The following VIT variants were observed in gnomAD, a reference collection of about 807,000 sequenced individuals.
VIT encodes the protein vitrin.
In VIT, 99 loss-of-function variants were observed where a neutral mutation model predicts 78.0. The observed-to-expected ratio is 1.27, with a 90% confidence interval of 1.08 to 1.50. VIT has a LOEUF of 1.50. Among genes scored for constraint, VIT ranks in the 40% most tolerant of loss-of-function variants. The probability of loss-of-function intolerance (pLI) is 0.00; values close to 1 mark genes in which losing one functional copy is unlikely to be tolerated. For synonymous variants in VIT, 374 were observed against 334.3 expected (o/e 1.12, Z -1.29); for missense variants, 1,126 against 875.3 (o/e 1.29, Z -3.61).
chr2:36,775,104 G>C (rs371639811), intron 9 of VIT, 37 bp downstream of exon 9: 15 of 1,610,700 alleles, frequency 9.3e-6, no homozygotes, highest in African/African-American at 2.7e-5. Context: ...TGCTCCCTAG[G>C]AATTTGCTCT....
rs1490426046 is a variant in VIT, at chr2:36,717,155, G to A, written c.52+733G>A. 3.1e-4 allele frequency among the ~76,000 whole-genome samples: 45 copies of A among 143,212 alleles called. No homozygotes were observed. In the Middle Eastern group the frequency reaches 0.013, roughly 42 times the overall value. The allele number at this position is 143,212 out of a possible 152,430, so 94.0% of individuals were successfully genotyped here. On this transcript the variant is annotated intron_variant, in intron 2 of 15. Coordinates refer to ENST00000379242, the MANE Select transcript of VIT (RefSeq NM_053276.4). ...CTCCCAAAGTGCTGGGATTACAGGC[G>A]TGAGCCACCACGCCCGGCCAGAGAT...
In VIT at chr2:36,773,941, G is replaced by C. The variant is rs1055004265; in HGVS notation, c.736+94G>C. 34 of 1,325,774 alleles carry C rather than the reference G, an allele frequency of 2.6e-5. 1 individual carries two copies. In the South Asian group the frequency reaches 4.7e-4, roughly 18 times the overall value. 82.1% of individuals were successfully genotyped at this position (1,325,774 alleles called of 1,614,324 possible). ...CATCTTTGCCATTTAATTTAGATTT[G>C]GACAAGGACTATTAAACCACTTAGG... On this transcript the variant is annotated intron_variant, in intron 8 of 15. Transcript: ENST00000379242.
chr2:36,745,799 T>C (rs1379699766), intron 4 of VIT, among the ~76,000 whole-genome samples: 1 of 152,164 alleles, frequency 6.6e-6, no homozygotes, highest in Non-Finnish European at 1.5e-5. Context: ...CTTTAATGTA[T>C]TTCTCTTGCC....
At chr2:36,802,964 G>C (rs906479896) in intron 13 of VIT, among the ~76,000 whole-genome samples, 2 of 152,208 alleles carry the variant, frequency 1.3e-5, no homozygotes, top group African/African-American at 4.8e-5. Context: ...ACCTCCAAGG[G>C]AGCTGCTCCT....
intron 1 of VIT, among the ~76,000 whole-genome samples, chr2:36,698,803 G>C (rs1327775860): frequency 1.3e-5 from 2 of 152,002 alleles, no homozygotes; most frequent in Non-Finnish European, 2.9e-5. Context: ...AATTAGCCAG[G>C]CATGATGGCG....
At chr2:36,761,655 A>G (rs11124541) in intron 6 of VIT, among the ~76,000 whole-genome samples, 146,769 of 152,090 alleles carry the variant, frequency 0.97, 71,037 homozygotes, top group East Asian at 1. Flanking sequence ...CAGGAGAATC[A>G]CTTGAACCCG....
At chr2:36,786,588 A>G (rs1304314039) in intron 11 of VIT, among the ~76,000 whole-genome samples, 1 of 152,246 alleles carries the variant, frequency 6.6e-6, no homozygotes, top group East Asian at 1.9e-4. Flanking sequence ...CTATACATAT[A>G]TGTAGATAAT....
chr2:36,791,030 A>G (rs1317616751), intron 12 of VIT, among the ~76,000 whole-genome samples: 1 of 152,210 alleles, frequency 6.6e-6, no homozygotes, highest in African/African-American at 2.4e-5. Flanking sequence ...CTTTCATTTC[A>G]GGCCCCCATC....
At chr2:36,714,047 G>A (rs975327044) in intron 1 of VIT, among the ~76,000 whole-genome samples, 1 of 152,200 alleles carries the variant, frequency 6.6e-6, no homozygotes, top group Non-Finnish European at 1.5e-5. Flanking sequence ...TGAAGCTAAA[G>A]ACGTAACCAG....
chr2:36,783,478 C>A, intron 11 of VIT, 76 bp downstream of exon 11: 1 of 1,410,216 alleles, frequency 7.1e-7, no homozygotes, highest in Non-Finnish European at 9.9e-7. Flanking sequence ...CCACTCACTC[C>A]CACTCAAACC....
intron 6 of VIT, among the ~76,000 whole-genome samples, chr2:36,760,957 C>T (rs186801509): frequency 6.6e-6 from 1 of 152,152 alleles, no homozygotes; most frequent in African/African-American, 2.4e-5. Flanking sequence ...AGCTGCACCC[C>T]TCCCCCTCTC....
intron 1 of VIT, among the ~76,000 whole-genome samples, chr2:36,713,761 G>A (rs113593614): frequency 2.1e-3 from 313 of 152,336 alleles, no homozygotes; most frequent in African/African-American, 7.2e-3. Context: ...AAGAGAAAGA[G>A]AAGTCAAGGA....
At chr2:36,742,276 C>T (rs981246934) in intron 3 of VIT, among the ~76,000 whole-genome samples, 1 of 152,156 alleles carries the variant, frequency 6.6e-6, no homozygotes, top group Non-Finnish European at 1.5e-5. Context: ...CCCCAGGCAA[C>T]CTTTCAGCTT....
chr2:36,787,547 A>G (rs6759999), intron 12 of VIT, among the ~76,000 whole-genome samples: 3,808 of 152,332 alleles, frequency 0.025, 142 homozygotes, highest in African/African-American at 0.086. Context: ...GGAAAACAGG[A>G]GAGATGCGTG....
chr2:36,772,888 G>A (rs1173320796), intron 7 of VIT, among the ~76,000 whole-genome samples: 1 of 152,032 alleles, frequency 6.6e-6, no homozygotes, highest in Non-Finnish European at 1.5e-5. Context: ...CCGTCAGCTG[G>A]GTTTTACGTG....
At chr2:36,800,300 G>C (rs1422868144) in intron 12 of VIT, among the ~76,000 whole-genome samples, 1 of 152,120 alleles carries the variant, frequency 6.6e-6, no homozygotes, top group Non-Finnish European at 1.5e-5. Flanking sequence ...AGCTGAGATC[G>C]CGCCACTGCA....
At chr2:36,704,887 T>G (rs1006061848) in intron 1 of VIT, among the ~76,000 whole-genome samples, 7 of 152,146 alleles carry the variant, frequency 4.6e-5, no homozygotes, top group African/African-American at 1.7e-4. Context: ...TTGCCGGACC[T>G]GAGAATGTTT....
At chr2:36,765,694 G>T (rs1040387781) in intron 6 of VIT, among the ~76,000 whole-genome samples, 1 of 152,198 alleles carries the variant, frequency 6.6e-6, no homozygotes, top group African/African-American at 2.4e-5. Context: ...AACTAAAGTG[G>T]CATGGCCACA....
intron 3 of VIT, among the ~76,000 whole-genome samples, chr2:36,737,142 A>T (rs1667554868): frequency 1.3e-5 from 2 of 152,206 alleles, no homozygotes; most frequent in Admixed American, 1.3e-4. Context: ...ATGAAAGAAC[A>T]TTCAAGATAA....
Sources: allele counts gnomAD v4.1 joint callset (sites outside exome capture counted in the v4.1 genomes callset), GRCh38; gene constraint gnomAD v4.1.1; transcripts MANE v1.5; gene names NCBI Gene and HGNC (gene_info 2026-07-23, HGNC 2026-07-21).